Variants in B4GALT1 observed in about 807,000 individuals in gnomAD.
B4GALT1 encodes N-acetyllactosamine synthase.
B4GALT1 carries 16 observed loss-of-function variants against 34.9 expected under a neutral mutation model. That is an observed-to-expected ratio of 0.46 (90% confidence interval 0.31 to 0.70). B4GALT1 has a LOEUF of 0.70. Among genes scored for constraint, B4GALT1 ranks in the 30% least tolerant of loss-of-function variants. The pLI, the probability that B4GALT1 is intolerant of heterozygous loss-of-function variation, is 0.05. For synonymous variants in B4GALT1, 221 were observed against 218.1 expected (o/e 1.01, Z -0.12); for missense variants, 445 against 530.5 (o/e 0.84, Z 1.58).
At position 33,149,218 on chromosome 9, in the gene B4GALT1, T is replaced by G. The variant is rs545585716; in HGVS notation, c.413-13794A>C. On this transcript the variant is annotated intron_variant, in intron 1 of 5. Coordinates refer to ENST00000379731, the MANE Select transcript of B4GALT1 (RefSeq NM_001497.4). ...AAAAATTTAAAAAAAAAAAAGTGGA[T>G]GAAAGTTTGAGGAGTAACAGGACAA... Among the ~76,000 whole-genome samples, 10 of 150,748 alleles carry G rather than the reference T, an allele frequency of 6.6e-5. No homozygotes were observed. In the South Asian group the frequency reaches 2.1e-3, roughly 31 times the overall value.
At chr9:33,173,387 A>G in the B4GALT1 span, among the ~76,000 whole-genome samples, 1 of 151,678 alleles carries the variant, frequency 6.6e-6, no homozygotes, top group Admixed American at 6.6e-5. Context: ...CCTGGTCTAC[A>G]GAACGAGACT....
intron 2 of B4GALT1, among the ~76,000 whole-genome samples, chr9:33,131,943 C>A (rs1454475079): frequency 6.6e-6 from 1 of 151,922 alleles, no homozygotes; most frequent in Non-Finnish European, 1.5e-5. Flanking sequence ...AAGCATTTCT[C>A]AACTTAGTTA....
At chr9:33,155,673 G>A (rs376144004) in intron 1 of B4GALT1, among the ~76,000 whole-genome samples, 82 of 152,302 alleles carry the variant, frequency 5.4e-4, no homozygotes, top group African/African-American at 1.9e-3. Flanking sequence ...TCCCTAAGTT[G>A]TGGTCAGAGC....
At chr9:33,163,719 C>A (rs186305862) in intron 1 of B4GALT1, among the ~76,000 whole-genome samples, 214 of 152,362 alleles carry the variant, frequency 1.4e-3, no homozygotes, top group Non-Finnish European at 2.5e-3. Flanking sequence ...GGCAAACACC[C>A]AGGTGGCCAG....
the B4GALT1 span, among the ~76,000 whole-genome samples, chr9:33,182,909 A>T: frequency 6.7e-6 from 1 of 149,112 alleles, no homozygotes; most frequent in Non-Finnish European, 1.5e-5. Flanking sequence ...CACCCCACTT[A>T]AAAAAAAAAT....
the B4GALT1 span, among the ~76,000 whole-genome samples, chr9:33,184,351 G>C: frequency 6.6e-6 from 1 of 151,902 alleles, no homozygotes; most frequent in South Asian, 2.1e-4. Flanking sequence ...CTGGGGGTCT[G>C]AGAACATATA....
the B4GALT1 span, chr9:33,179,658 T>G: frequency 2.0e-5 from 3 of 152,260 alleles, no homozygotes; most frequent in Non-Finnish European, 4.4e-5. Context: ...TTTTGAATTT[T>G]GATCTTTTCC....
In B4GALT1 at chr9:33,111,405, T is replaced by A. The variant is rs1839860995; in HGVS notation, c.*2049A>T. 1 of 152,628 alleles carries A rather than the reference T, an allele frequency of 6.6e-6. No homozygotes were observed. Among genetic ancestry groups the A allele is most frequent in the South Asian group, 2.1e-4 (1 of 4,836 alleles). The allele number at this position is 152,628 out of a possible 1,614,324, so 9.5% of individuals were successfully genotyped here. A position where few individuals can be genotyped will look rare whatever the true frequency, so the allele number is the denominator to read the frequency against. On this transcript the variant is annotated 3_prime_UTR_variant, in exon 6 of 6. Transcript: ENST00000379731. Reference sequence around the variant, plus strand: ...GATCTGCGGACAGAAAGAGAGGCTTTCATTCTTCTTATTTCCCACAACTCC... The same window carrying A: ...GATCTGCGGACAGAAAGAGAGGCTTACATTCTTCTTATTTCCCACAACTCC...
chr9:33,138,660 C>T (rs1840305074), intron 1 of B4GALT1, among the ~76,000 whole-genome samples: 3 of 152,158 alleles, frequency 2.0e-5, no homozygotes, highest in East Asian at 1.9e-4. Context: ...TCTCCCTATA[C>T]CCAGGTCTTT....
intron 2 of B4GALT1, among the ~76,000 whole-genome samples, chr9:33,127,740 A>G (rs1343155494): frequency 6.6e-6 from 1 of 152,276 alleles, no homozygotes; most frequent in East Asian, 1.9e-4. Flanking sequence ...ACTATGAAAT[A>G]ACATGGGAAG....
chr9:33,159,008 T>C (rs1020598155), intron 1 of B4GALT1, among the ~76,000 whole-genome samples: 1 of 151,938 alleles, frequency 6.6e-6, no homozygotes, highest in African/African-American at 2.4e-5. Context: ...CTGCCCAGAG[T>C]ACTCCTCTAA....
intron 1 of B4GALT1, among the ~76,000 whole-genome samples, chr9:33,154,970 T>C (rs1840576038): frequency 6.6e-6 from 1 of 152,148 alleles, no homozygotes; most frequent in African/African-American, 2.4e-5. Context: ...TGGATGTGGA[T>C]TTCTCCAGTA....
rs1475228267 is a variant in B4GALT1 at position 33,156,375 on chromosome 9, C to A, written c.412+10383G>T. Among the ~76,000 whole-genome samples the A allele has an allele frequency of 4.6e-5, 7 of 152,290 alleles. No individual in the cohort carries two copies. In the East Asian group the frequency reaches 1.4e-3, roughly 29 times the overall value. On this transcript the variant is annotated intron_variant, in intron 1 of 5. Coordinates refer to ENST00000379731, the MANE Select transcript of B4GALT1 (RefSeq NM_001497.4). The stretch of plus-strand genomic sequence containing the variant: ...TCTCAAACTCCTGACCTCAGGTGAT[C>A]CACCCACCTCGGCCTCCCAAAGTGC...
intron 1 of B4GALT1, among the ~76,000 whole-genome samples, chr9:33,164,049 A>G (rs987150737): frequency 3.9e-5 from 6 of 152,152 alleles, no homozygotes; most frequent in Admixed American, 2.6e-4. Context: ...CAACTCCAAC[A>G]GCAACCCATC....
At chr9:33,143,093 C>T (rs532705578) in intron 1 of B4GALT1, among the ~76,000 whole-genome samples, 4 of 151,968 alleles carry the variant, frequency 2.6e-5, no homozygotes, top group Admixed American at 1.3e-4. Flanking sequence ...TGCAGTGAGC[C>T]GAGATCATGC....
At chr9:33,164,306 G>A (rs1474223144) in intron 1 of B4GALT1, among the ~76,000 whole-genome samples, 1 of 152,102 alleles carries the variant, frequency 6.6e-6, no homozygotes, top group East Asian at 1.9e-4. Flanking sequence ...AGATGGGCTC[G>A]ACTCCCCCCA....
upstream of B4GALT1, among the ~76,000 whole-genome samples, chr9:33,169,149 T>G (rs1453475594): frequency 6.6e-6 from 1 of 152,146 alleles, no homozygotes; most frequent in Non-Finnish European, 1.5e-5. Context: ...CCTCCATTCC[T>G]CCTCCCTAGT....
chr9:33,115,900 G>A (rs1266803473), intron 4 of B4GALT1, 91 bp downstream of exon 4: 1 of 1,521,960 alleles, frequency 6.6e-7, no homozygotes, highest in East Asian at 2.4e-5. Context: ...TCCCATCTGA[G>A]GGTCAGTCCT....
At chr9:33,128,279 T>G (rs574691653) in intron 2 of B4GALT1, among the ~76,000 whole-genome samples, 1 of 152,104 alleles carries the variant, frequency 6.6e-6, no homozygotes, top group African/African-American at 2.4e-5. Context: ...AAAGGGTGGA[T>G]GCAAGGGAGA....
Sources: gnomAD v4.1 joint callset for allele counts (sites outside exome capture counted in the v4.1 genomes callset) on GRCh38, gnomAD v4.1.1 for gene constraint, MANE v1.5 for transcripts, NCBI Gene and HGNC (gene_info 2026-07-23, HGNC 2026-07-21) for gene names.